The following KCNB2 variants were observed in gnomAD, a reference collection of about 807,000 sequenced individuals.
The protein encoded by KCNB2 is delayed rectifier potassium channel protein.
Under a neutral mutation model 61.5 loss-of-function variants are expected in KCNB2, and 15 were observed. The observed-to-expected ratio is 0.24, with a 90% CI of 0.16 to 0.38. The LOEUF is 0.38. Among genes scored for constraint, KCNB2 ranks in the 10% least tolerant of loss-of-function variants. KCNB2 has a pLI of 1.00. For synonymous variants in KCNB2, 457 were observed against 446.0 expected, an observed-to-expected ratio of 1.02 and a Z score of -0.31; for missense variants, 828 against 1,125.2, an observed-to-expected ratio of 0.74 and a Z score of 3.78.
chr8:72,612,586 C>T (rs912395295), intron 2 of KCNB2, among the ~76,000 whole-genome samples: 8 of 152,140 alleles, frequency 5.3e-5, no homozygotes, highest in African/African-American at 1.9e-4. Flanking sequence ...AAATCTGGTT[C>T]TAATTTAGGT....
intron 2 of KCNB2, among the ~76,000 whole-genome samples, chr8:72,872,696 A>G (rs746403116): frequency 1.3e-5 from 2 of 152,216 alleles, no homozygotes; most frequent in African/African-American, 4.8e-5. Flanking sequence ...GCACCTTTCT[A>G]TAAACGAAGA....
chr8:72,780,672 G>T (rs1420961420), intron 2 of KCNB2, among the ~76,000 whole-genome samples: 1 of 152,098 alleles, frequency 6.6e-6, no homozygotes, highest in Non-Finnish European at 1.5e-5. Flanking sequence ...GATTGATGCT[G>T]CAATGAACAT....
chr8:72,883,585 G>A (rs1201468488), intron 2 of KCNB2, among the ~76,000 whole-genome samples: 1 of 152,130 alleles, frequency 6.6e-6, no homozygotes, highest in African/African-American at 2.4e-5. Context: ...TTGCCATATG[G>A]CTCTAGGTTG....
chr8:72,665,319 A>G (rs2249770), intron 2 of KCNB2, among the ~76,000 whole-genome samples: 30,130 of 152,022 alleles, frequency 0.2, 3,661 homozygotes, highest in African/African-American at 0.34. Flanking sequence ...GGAGGTCTCC[A>G]AGGCTTTTAG....
intron 2 of KCNB2, among the ~76,000 whole-genome samples, chr8:72,860,568 C>A (rs182119707): frequency 6.6e-6 from 1 of 152,326 alleles, no homozygotes; most frequent in Admixed American, 6.5e-5. Flanking sequence ...AAACCATTGG[C>A]TTTTTGGCCT....
intron 2 of KCNB2, among the ~76,000 whole-genome samples, chr8:72,609,896 C>T (rs1805510974): frequency 6.6e-6 from 1 of 152,162 alleles, no homozygotes; most frequent in Non-Finnish European, 1.5e-5. Flanking sequence ...CGTTGAAGTC[C>T]AGCATTCAGG....
At chr8:72,614,697 G>A (rs1466185062) in intron 2 of KCNB2, among the ~76,000 whole-genome samples, 1 of 152,132 alleles carries the variant, frequency 6.6e-6, no homozygotes, top group African/African-American at 2.4e-5. Flanking sequence ...TCATCTTGTG[G>A]CTAGGTGCTC....
At chr8:72,604,027 GA>G (rs1462914553) in intron 2 of KCNB2, among the ~76,000 whole-genome samples, 20 of 152,274 alleles carry the variant, frequency 1.3e-4, no homozygotes, top group African/African-American at 4.6e-4. Flanking sequence ...CTAGCCTCCA[GA>G]ACTGTGAGAG....
chr8:72,765,024 C>A lies in KCNB2; in HGVS notation c.580-170911C>A, dbSNP rs73313514. On this transcript the variant is annotated intron_variant, in intron 2 of 2. Coordinates refer to ENST00000523207, the MANE Select transcript of KCNB2 (RefSeq NM_004770.3). Reference sequence around the variant, plus strand: ...CTCAATTGCAGAATATCCCAGGAATCTATAAAATAGGAAGAGACTGACATA... The same window carrying A: ...CTCAATTGCAGAATATCCCAGGAATATATAAAATAGGAAGAGACTGACATA... Among the ~76,000 whole-genome samples, 1,286 of 152,270 alleles carry A rather than the reference C, an allele frequency of 8.4e-3. 18 individuals carry two copies. Among genetic ancestry groups the A allele is most frequent in the African/African-American group, 0.03 (1,227 of 41,554 alleles).
In KCNB2 at chr8:72,558,335, T is replaced by A. The variant is rs573621697; in HGVS notation, c.-93-9307T>A. ...CTCAAGCAGTGTAGGGGTTCATACA[T>A]ATTTGCTGCATGATAAGAAAGGATT... is the stretch of plus-strand genomic sequence containing the variant. On this transcript the variant is annotated intron_variant, in intron 1 of 2. Coordinates refer to ENST00000523207, the MANE Select transcript of KCNB2 (RefSeq NM_004770.3). 2.3e-3 allele frequency among the ~76,000 whole-genome samples: 352 copies of A among 152,338 alleles called. 3 individuals are homozygous for A. The highest frequency in any genetic ancestry group is 3.8e-3 in the Non-Finnish European group (257 of 68,024).
chr8:72,698,272 AC>A (rs1807051735), intron 2 of KCNB2, among the ~76,000 whole-genome samples: 1 of 151,024 alleles, frequency 6.6e-6, no homozygotes, highest in South Asian at 2.1e-4. Flanking sequence ...TAATAGCCAC[AC>A]ACACACACAC....
At chr8:72,855,814 T>A (rs1045038231) in intron 2 of KCNB2, among the ~76,000 whole-genome samples, 1 of 152,170 alleles carries the variant, frequency 6.6e-6, no homozygotes, top group Non-Finnish European at 1.5e-5. Context: ...CTTTGGGGAA[T>A]GGTTCCAGGA....
At chr8:72,707,359 G>T (rs958753714) in intron 2 of KCNB2, among the ~76,000 whole-genome samples, 4 of 152,168 alleles carry the variant, frequency 2.6e-5, no homozygotes, top group African/African-American at 9.7e-5. Flanking sequence ...ATGCCTTTAT[G>T]TTCCAAAGGA....
intron 2 of KCNB2, among the ~76,000 whole-genome samples, chr8:72,854,926 C>T (rs1445522005): frequency 6.6e-6 from 1 of 152,190 alleles, no homozygotes; most frequent in Admixed American, 6.5e-5. Context: ...AGGTCCCTAG[C>T]TAAGATCCAT....
chr8:72,750,748 GTTT>G (rs1436971260), intron 2 of KCNB2: 1 of 152,062 alleles, frequency 6.6e-6, no homozygotes, highest in African/African-American at 2.4e-5. Flanking sequence ...AACAGTTTTT[GTTT>G]TTTATTTCCT....
chr8:72,692,944 A>G (rs7820749), intron 2 of KCNB2, among the ~76,000 whole-genome samples: 6,413 of 152,090 alleles, frequency 0.042, 184 homozygotes, highest in African/African-American at 0.082. Context: ...TGCTGGTAAC[A>G]TGAGTCTCAT....
chr8:72,589,244 A>G (rs1445726638), intron 2 of KCNB2, among the ~76,000 whole-genome samples: 1 of 152,168 alleles, frequency 6.6e-6, no homozygotes, highest in Admixed American at 6.5e-5. Flanking sequence ...ATGGCAAATA[A>G]ATGCATTAAT....
chr8:72,651,147 G>A (rs1452922968), intron 2 of KCNB2, among the ~76,000 whole-genome samples: 1 of 152,144 alleles, frequency 6.6e-6, no homozygotes, highest in Admixed American at 6.6e-5. Flanking sequence ...ACTAAGCGTA[G>A]CCTAATACTT....
intron 2 of KCNB2, among the ~76,000 whole-genome samples, chr8:72,598,402 G>T (rs552941359): frequency 6.6e-6 from 1 of 152,082 alleles, no homozygotes; most frequent in South Asian, 2.1e-4. Flanking sequence ...ATTCAACAAC[G>T]CTTCATGCTA....
Sources: allele counts gnomAD v4.1 joint callset (sites outside exome capture counted in the v4.1 genomes callset), GRCh38; gene constraint gnomAD v4.1.1; transcripts MANE v1.5; gene names NCBI Gene and HGNC (gene_info 2026-07-23, HGNC 2026-07-21).